FAIM2: variants seen among roughly 807,000 people sequenced by gnomAD.
FAIM2 encodes the protein Fas apoptotic inhibitory molecule 2, also known as protein lifeguard 2.
FAIM2 carries 27 observed loss-of-function variants against 47.4 expected under a neutral mutation model. That is an observed-to-expected ratio of 0.57 (90% CI 0.42 to 0.78). FAIM2 has a LOEUF of 0.78. Among genes scored for constraint, FAIM2 ranks in the 30% least tolerant of loss-of-function variants. The pLI is 0.00. For synonymous variants in FAIM2, 156 were observed against 159.3 expected, an observed-to-expected ratio of 0.98 and a Z score of 0.16; for missense variants, 311 against 389.4, an observed-to-expected ratio of 0.80 and a Z score of 1.69.
rs898403755 is a variant in FAIM2 at position 49,903,828 on chromosome 12, G to C, written c.-36C>G. 2 of 1,525,944 alleles carry C rather than the reference G, an allele frequency of 1.3e-6. No homozygotes were observed. The highest frequency in any genetic ancestry group is 4.2e-5 in the Admixed American group (2 of 48,000). The allele number at this position is 1,525,944 out of a possible 1,614,324, so 94.5% of individuals were successfully genotyped here. ...CTCGGGGAAGGGGTCCCTGAGGCCC[G>C]GGTGGCCGCTTGGGTAACCGCAGCC... On this transcript the variant is annotated 5_prime_UTR_variant, in exon 1 of 12. Coordinates refer to ENST00000320634, the MANE Select transcript of FAIM2 (RefSeq NM_012306.4).
chr12:49,881,176 C>T (rs1946823473), intron 11 of FAIM2, among the ~76,000 whole-genome samples: 1 of 152,126 alleles, frequency 6.6e-6, no homozygotes, highest in South Asian at 2.1e-4. Context: ...AGTCTCCCTG[C>T]CCCCACCCAC....
chr12:49,887,528 G>A (rs1946870583), intron 10 of FAIM2, 89 bp from the exon 11 acceptor site: 1 of 1,156,668 alleles, frequency 8.6e-7, no homozygotes, highest in Non-Finnish European at 1.3e-6. Flanking sequence ...GAGAATGGAG[G>A]ACACGGGGTA....
rs570746144 is a variant in FAIM2, at chr12:49,903,738, G to A, written c.15+40C>T. ...TGAGGATGACAGGGAGCCGGGAGCC[G>A]GAGGATGGAGGATGGTGCAGGCTGG... On this transcript the variant is annotated intron_variant, in intron 1 of 11. Transcript: ENST00000320634. 5.8e-6 allele frequency: 9 copies of A among 1,550,782 alleles called. No individual in the cohort carries two copies. In the East Asian group the frequency reaches 2.0e-4, roughly 34 times the overall value.
At chr12:49,892,159 G>A (rs1302158127) in intron 5 of FAIM2, among the ~76,000 whole-genome samples, 1 of 152,074 alleles carries the variant, frequency 6.6e-6, no homozygotes, top group Non-Finnish European at 1.5e-5. Context: ...CTGGAAATGA[G>A]GTGAGCTCCC....
chr12:49,880,616 GTA>G (rs1215866117), intron 11 of FAIM2, among the ~76,000 whole-genome samples: 3 of 86,876 alleles, frequency 3.5e-5, no homozygotes, highest in African/African-American at 1.7e-4. Flanking sequence ...GCATGTGAGT[GTA>G]TGTGCATGTG....
rs1327935009 is a variant in FAIM2 at position 49,878,212 on chromosome 12, TTG to T, written c.802-7561_802-7560del. Among the ~76,000 whole-genome samples, 92 of 126,618 alleles carry T rather than the reference TTG, an allele frequency of 7.3e-4. 11 individuals carry two copies. The highest frequency in any genetic ancestry group is 3.9e-3 in the South Asian group (14 of 3,596). The allele number at this position is 126,618 out of a possible 152,430, so 83.1% of individuals were successfully genotyped here. On this transcript the variant is annotated intron_variant, in intron 11 of 11. Transcript: ENST00000320634. ...TGTGTGCATATGTGTATGTATGTGC[TTG>T]TGTGTATATGTGCATGAGTGTATGT...
intron 2 of FAIM2, among the ~76,000 whole-genome samples, chr12:49,900,680 C>T (rs1344602125): frequency 2.0e-5 from 3 of 152,154 alleles, no homozygotes; most frequent in Non-Finnish European, 2.9e-5. Flanking sequence ...CCGTGGAGAC[C>T]TGTCCCCACT....
At chr12:49,879,742 A>C (rs539890354) in intron 11 of FAIM2, among the ~76,000 whole-genome samples, 140 of 136,208 alleles carry the variant, frequency 1.0e-3, no homozygotes, top group African/African-American at 3.6e-3. Flanking sequence ...GTCTGAGTGA[A>C]TGTGTATGCA....
At chr12:49,875,346 G>A (rs1720132600) in intron 11 of FAIM2, among the ~76,000 whole-genome samples, 1 of 152,148 alleles carries the variant, frequency 6.6e-6, no homozygotes, top group South Asian at 2.1e-4. Context: ...CAGCTAGAGG[G>A]TGAGCTTGGG....
intron 2 of FAIM2, among the ~76,000 whole-genome samples, chr12:49,899,234 T>C (rs1319542351): frequency 2.0e-5 from 3 of 152,124 alleles, no homozygotes; most frequent in African/African-American, 7.2e-5. Flanking sequence ...AGCCTCACCC[T>C]CTCCCATGTG....
At position 49,878,562 on chromosome 12, in the gene FAIM2, G is replaced by C. The variant is rs1482266195; in HGVS notation, c.802-7909C>G. Among the ~76,000 whole-genome samples, 34 of 24,622 alleles carry C rather than the reference G, an allele frequency of 1.4e-3. 5 individuals are homozygous for C. The highest frequency in any genetic ancestry group is 8.9e-3 in the African/African-American group (32 of 3,598). 16.2% of individuals were successfully genotyped at this position (24,622 alleles called of 152,430 possible). On this transcript the variant is annotated intron_variant, in intron 11 of 11. Transcript: ENST00000320634. ...TGTATATGTGCGTGCATGTGTGAGT[G>C]TATATGTTCATGTGTATATGTACAT...
chr12:49,881,153 A>C (rs1946823326), intron 11 of FAIM2, among the ~76,000 whole-genome samples: 1 of 152,286 alleles, frequency 6.6e-6, no homozygotes, highest in Admixed American at 6.5e-5. Context: ...AGCATCCAGT[A>C]CTGACCATGC....
At chr12:49,899,032 A>G (rs1202075097) in intron 2 of FAIM2, among the ~76,000 whole-genome samples, 1 of 151,930 alleles carries the variant, frequency 6.6e-6, no homozygotes, top group African/African-American at 2.4e-5. Flanking sequence ...AAGAGCATGA[A>G]CTCCACAGTC....
intron 1 of FAIM2, among the ~76,000 whole-genome samples, chr12:49,902,594 G>C (rs983173611): frequency 6.6e-6 from 1 of 152,144 alleles, no homozygotes; most frequent in Admixed American, 6.5e-5. Flanking sequence ...CGCCACTAAA[G>C]GGCCTGGTGG....
chr12:49,872,133 G>A (rs1014688466), intron 11 of FAIM2, among the ~76,000 whole-genome samples: 9 of 152,298 alleles, frequency 5.9e-5, no homozygotes, highest in Admixed American at 3.9e-4. Context: ...CAAAAGAGAC[G>A]AGAAACACAA....
chr12:49,882,222 G>A (rs1165990713), intron 11 of FAIM2, among the ~76,000 whole-genome samples: 1 of 152,190 alleles, frequency 6.6e-6, no homozygotes, highest in Non-Finnish European at 1.5e-5. Flanking sequence ...CAAAGGCTAC[G>A]GTGGGAGAGG....
At chr12:49,900,000 G>T (rs58848847) in intron 2 of FAIM2, among the ~76,000 whole-genome samples, 2,003 of 152,312 alleles carry the variant, frequency 0.013, 44 homozygotes, top group African/African-American at 0.046. Flanking sequence ...GAGGCCTGAA[G>T]ACCCTTGCCC....
chr12:49,886,101 C>T (rs545999863), intron 11 of FAIM2, among the ~76,000 whole-genome samples: 1 of 152,178 alleles, frequency 6.6e-6, no homozygotes, highest in Non-Finnish European at 1.5e-5. Flanking sequence ...AACGTTCCAG[C>T]GAGGGAGGGG....
intron 11 of FAIM2, among the ~76,000 whole-genome samples, chr12:49,882,400 C>T (rs984265017): frequency 1.2e-4 from 19 of 152,108 alleles, no homozygotes; most frequent in Admixed American, 4.6e-4. Flanking sequence ...GCTGGGCCTC[C>T]GAGGGCCTTC....
Sources: allele counts gnomAD v4.1 joint callset (sites outside exome capture counted in the v4.1 genomes callset), GRCh38; gene constraint gnomAD v4.1.1; transcripts MANE v1.5; gene names NCBI Gene and HGNC (gene_info 2026-07-23, HGNC 2026-07-21).